The following ADISSP variants were observed in gnomAD, a reference collection of about 807,000 sequenced individuals.
ADISSP encodes the protein adipose-secreted signaling protein.
the ADISSP span, chr20:3,754,458 C>T: frequency 6.2e-7 from 1 of 1,614,048 alleles, no homozygotes; most frequent in Non-Finnish European, 8.5e-7. Context: ...CGCAGGCTAG[C>T]AGTATCTCCT....
the ADISSP span, chr20:3,754,072 G>T: frequency 6.2e-7 from 1 of 1,612,854 alleles, no homozygotes; most frequent in Non-Finnish European, 8.5e-7. Flanking sequence ...TCAAAGCCGT[G>T]CCAGTCGCTG....
the ADISSP span, among the ~76,000 whole-genome samples, chr20:3,760,834 A>G: frequency 7.2e-5 from 11 of 152,326 alleles, no homozygotes; most frequent in South Asian, 2.3e-3. Flanking sequence ...GCCTCAGCAC[A>G]GGGGCAGTGA....
chr20:3,755,874 C>G, the ADISSP span, among the ~76,000 whole-genome samples: 2 of 152,218 alleles, frequency 1.3e-5, no homozygotes, highest in African/African-American at 2.4e-5. Context: ...CTCAGTGGCT[C>G]ATTTCATAGA....
the ADISSP span, among the ~76,000 whole-genome samples, chr20:3,764,433 G>A: frequency 3.3e-5 from 5 of 152,068 alleles, no homozygotes; most frequent in Admixed American, 3.3e-4. Flanking sequence ...CTGCCTGACC[G>A]TCCCCCCGCC....
the ADISSP span, chr20:3,760,064 C>T: frequency 3.2e-5 from 52 of 1,610,564 alleles, no homozygotes; most frequent in Admixed American, 1.0e-4. Flanking sequence ...AGTCCTACCA[C>T]GCCAGGAAGG....
At chr20:3,754,454 C>T in the ADISSP span, 1 of 1,614,082 alleles carries the variant, frequency 6.2e-7, no homozygotes, top group Admixed American at 1.7e-5. Context: ...CCTTCGCAGG[C>T]TAGCAGTATC....
the ADISSP span, chr20:3,754,453 G>A: frequency 5.0e-6 from 8 of 1,613,972 alleles, no homozygotes; most frequent in Admixed American, 8.3e-5. Flanking sequence ...ACCTTCGCAG[G>A]CTAGCAGTAT....
the ADISSP span, chr20:3,768,129 G>A: frequency 6.6e-6 from 1 of 152,290 alleles, no homozygotes; most frequent in Non-Finnish European, 1.5e-5. Context: ...CTCTCGGGAG[G>A]GCTGTCGGGC....
At chr20:3,767,953 G>C in the ADISSP span, 1 of 152,286 alleles carries the variant, frequency 6.6e-6, no homozygotes, top group African/African-American at 2.4e-5. Flanking sequence ...GAGCTCTCGC[G>C]AGGAAGACGG....
chr20:3,757,146 C>T, the ADISSP span, among the ~76,000 whole-genome samples: 4 of 152,210 alleles, frequency 2.6e-5, no homozygotes, highest in Non-Finnish European at 4.4e-5. Context: ...GTCAGGAGAT[C>T]GAGACCATCC....
At chr20:3,754,114 C>A in the ADISSP span, 20 of 1,613,546 alleles carry the variant, frequency 1.2e-5, no homozygotes, top group Non-Finnish European at 1.5e-5. Flanking sequence ...TCGGCGCCCA[C>A]ACACTTGACA....
At chr20:3,755,893 T>C in the ADISSP span, among the ~76,000 whole-genome samples, 11 of 152,164 alleles carry the variant, frequency 7.2e-5, no homozygotes, top group East Asian at 2.1e-3. Context: ...GACAGGAAAA[T>C]GGAAACCACA....
chr20:3,757,015 G>A, the ADISSP span, among the ~76,000 whole-genome samples: 2 of 104,678 alleles, frequency 1.9e-5, no homozygotes, highest in Non-Finnish European at 1.9e-5. Context: ...CATCACCATA[G>A]TGTTTTCAGA....
chr20:3,754,466 C>G, the ADISSP span: 1 of 1,614,094 alleles, frequency 6.2e-7, no homozygotes, highest in Non-Finnish European at 8.5e-7. Context: ...AGCAGTATCT[C>G]CTCTTTGAGG....
chr20:3,758,707 G>T, the ADISSP span: 1 of 1,607,978 alleles, frequency 6.2e-7, no homozygotes, highest in Non-Finnish European at 8.5e-7. This position sits in a 1 kb window ranked among gnomAD's most constrained non-coding sequence, Gnocchi z 5.5. Flanking sequence ...GGCTCTGAGG[G>T]CTTTCCCTGT....
chr20:3,757,026 A>AAAATAAATAAATAAAT, the ADISSP span, among the ~76,000 whole-genome samples: 19,413 of 150,714 alleles, frequency 0.13, 1,371 homozygotes, highest in African/African-American at 0.17. Flanking sequence ...TGTTTTCAGA[A>AAAATAAATAAATAAAT]AAATAAATAA....
chr20:3,754,211 C>CG, the ADISSP span: 2 of 1,547,330 alleles, frequency 1.3e-6, no homozygotes, highest in South Asian at 2.3e-5. Flanking sequence ...CCCACCCATG[C>CG]GGCCCACTAA....
chr20:3,760,203 G>C, the ADISSP span: 1 of 928,690 alleles, frequency 1.1e-6, no homozygotes, highest in Non-Finnish European at 1.7e-6. Flanking sequence ...GATAGGGAGT[G>C]GGGAGGGCAG....
At chr20:3,754,179 C>T in the ADISSP span, 1 of 1,596,350 alleles carries the variant, frequency 6.3e-7, no homozygotes, top group East Asian at 2.3e-5. Flanking sequence ...GGGTGCAAGT[C>T]AGTGCCATGC....
Sources: gnomAD v4.1 joint callset for allele counts (sites outside exome capture counted in the v4.1 genomes callset) on GRCh38, gnomAD v4.1.1 for gene constraint, Gnocchi (gnomAD v3.1) non-coding constraint, MANE v1.5 for transcripts, NCBI Gene and HGNC (gene_info 2026-07-23, HGNC 2026-07-21) for gene names.